The following SSPN variants were observed in gnomAD, a reference collection of about 807,000 sequenced individuals.
SSPN encodes sarcospan.
SSPN carries 15 observed loss-of-function variants against 19.1 expected under a neutral mutation model. The observed-to-expected ratio is 0.78, with a 90% CI of 0.52 to 1.21. SSPN has a LOEUF of 1.21. SSPN is among the 50% of genes most tolerant of loss of function. The pLI, the probability that SSPN is intolerant of heterozygous loss-of-function variation, is 0.00. For missense variants in SSPN, 291 were observed against 314.0 expected, an observed-to-expected ratio of 0.93 and a Z score of 0.55; for synonymous variants, 147 against 140.3, an observed-to-expected ratio of 1.05 and a Z score of -0.34.
chr12:26,128,637 TG>T (rs1038122119), intron 1 of SSPN, among the ~76,000 whole-genome samples: 1 of 152,202 alleles, frequency 6.6e-6, no homozygotes, highest in South Asian at 2.1e-4. Flanking sequence ...TCTTTGGATA[TG>T]TTTTAAAATA....
intron 1 of SSPN, among the ~76,000 whole-genome samples, chr12:26,158,751 GTC>G (rs1423101478): frequency 2.6e-5 from 4 of 152,258 alleles, no homozygotes; most frequent in Non-Finnish European, 5.9e-5. Flanking sequence ...GTGTCTAAGA[GTC>G]TCTGGCTTGC....
At chr12:26,154,196 C>T (rs989862489) in intron 1 of SSPN, among the ~76,000 whole-genome samples, 4 of 152,198 alleles carry the variant, frequency 2.6e-5, no homozygotes, top group African/African-American at 9.7e-5. Context: ...ATTTAGGTCC[C>T]TGATATGTCA....
chr12:26,168,615 T>C (rs559714545), intron 1 of SSPN, among the ~76,000 whole-genome samples: 1 of 152,190 alleles, frequency 6.6e-6, no homozygotes, highest in South Asian at 2.1e-4. Flanking sequence ...AATAGTGGGG[T>C]CAAGAAATAA....
Position 26,232,906 on chromosome 12 carries a change from A to T in SSPN, c.*1830A>T. ...CAACAGAATACCAAGCAGAATGATGAGGACCTGTAAAATACCTTGTGCCCT... is the reference window on the plus strand; with the variant it reads ...CAACAGAATACCAAGCAGAATGATGTGGACCTGTAAAATACCTTGTGCCCT... On this transcript the variant is annotated 3_prime_UTR_variant, in exon 3 of 3. Coordinates refer to ENST00000242729, the MANE Select transcript of SSPN (RefSeq NM_005086.5). 7.0e-6 allele frequency: 1 copy of T among 143,114 alleles called. No individual in the cohort carries two copies. The highest frequency in any genetic ancestry group is 1.5e-5 in the Non-Finnish European group (1 of 67,580). 8.9% of individuals were successfully genotyped at this position (143,114 alleles called of 1,614,324 possible).
intron 1 of SSPN, among the ~76,000 whole-genome samples, chr12:26,209,330 A>G (rs879102055): frequency 6.6e-6 from 1 of 152,140 alleles, no homozygotes; most frequent in Non-Finnish European, 1.5e-5. Context: ...AATGCTTGGG[A>G]AAAATGTGGA....
intron 1 of SSPN, among the ~76,000 whole-genome samples, chr12:26,175,485 G>A (rs2137436354): frequency 1.3e-5 from 2 of 152,240 alleles, no homozygotes; most frequent in Admixed American, 1.3e-4. Context: ...CCAGTCTATA[G>A]ATCACCATTT....
At chr12:26,217,789 T>G (rs1030639194) in intron 1 of SSPN, among the ~76,000 whole-genome samples, 1 of 151,666 alleles carries the variant, frequency 6.6e-6, no homozygotes, top group South Asian at 2.1e-4. Context: ...GCATGAAAGG[T>G]TGTTGAATTT....
intron 1 of SSPN, among the ~76,000 whole-genome samples, chr12:26,220,851 C>T (rs1323571766): frequency 6.6e-6 from 1 of 152,184 alleles, no homozygotes; most frequent in East Asian, 1.9e-4. Flanking sequence ...CCTATGGATT[C>T]AGCTTTTTTA....
At chr12:26,201,477 C>T (rs183901260) in intron 1 of SSPN, among the ~76,000 whole-genome samples, 4 of 151,792 alleles carry the variant, frequency 2.6e-5, no homozygotes, top group Admixed American at 6.6e-5. Flanking sequence ...TGAACAAAAT[C>T]ATTAGATGTT....
In SSPN at chr12:26,231,158, AAG is replaced by A; in HGVS notation, c.*83_*84del. The A allele has an allele frequency of 2.8e-6, 4 of 1,429,478 alleles. No individual in the cohort carries two copies. Among genetic ancestry groups the A allele is most frequent in the Non-Finnish European group, 3.7e-6 (4 of 1,089,776 alleles). 88.5% of individuals were successfully genotyped at this position (1,429,478 alleles called of 1,614,324 possible). A position where few individuals can be genotyped will look rare whatever the true frequency, so the allele number is the denominator to read the frequency against. On this transcript the variant is annotated 3_prime_UTR_variant, in exon 3 of 3. Transcript: ENST00000242729. ...AACAAAAAAAAATTTTAAACAAAGA[AAG>A]GAAAAAAATTGACAATAAAAGTCAC...
chr12:26,223,614 A>C lies in SSPN; in HGVS notation c.280-679A>C, dbSNP rs1027062793. Among the ~76,000 whole-genome samples, 7 of 152,282 alleles carry C rather than the reference A, an allele frequency of 4.6e-5. No homozygotes were observed. The South Asian group carries it at 1.0e-3, about 23-fold the overall frequency. ...TTGCTTATGGTGCTGCTTTATCCCA[A>C]GCTACCTGATTTGAATCCGGGTTCC... On this transcript the variant is annotated intron_variant, in intron 1 of 2. Coordinates refer to ENST00000242729, the MANE Select transcript of SSPN (RefSeq NM_005086.5).
intron 1 of SSPN, among the ~76,000 whole-genome samples, chr12:26,149,634 G>A (rs1017614677): frequency 1.3e-5 from 2 of 152,152 alleles, no homozygotes; most frequent in Non-Finnish European, 2.9e-5. Context: ...TACATGTCTG[G>A]TGCATAATTT....
chr12:26,129,989 C>T (rs1741063006), intron 1 of SSPN, among the ~76,000 whole-genome samples: 1 of 152,120 alleles, frequency 6.6e-6, no homozygotes, highest in African/African-American at 2.4e-5. Flanking sequence ...AGGAGGATTC[C>T]CTGGCCCTTC....
At chr12:26,226,305 G>A (rs1161524098) in intron 2 of SSPN, among the ~76,000 whole-genome samples, 1 of 152,136 alleles carries the variant, frequency 6.6e-6, no homozygotes, top group African/African-American at 2.4e-5. Context: ...TTCATAGGGC[G>A]TTTCTCATCA....
At chr12:26,213,588 T>C (rs115923325) in intron 1 of SSPN, among the ~76,000 whole-genome samples, 68 of 152,234 alleles carry the variant, frequency 4.5e-4, no homozygotes, top group African/African-American at 1.6e-3. Flanking sequence ...ATAGGTTGTC[T>C]ATGAATCCTG....
intron 1 of SSPN, among the ~76,000 whole-genome samples, chr12:26,210,615 A>G (rs1591884186): frequency 6.6e-6 from 1 of 151,964 alleles, no homozygotes; most frequent in Non-Finnish European, 1.5e-5. Flanking sequence ...TTACTTTCTC[A>G]TCTTAATAGG....
Position 26,122,113 on chromosome 12 carries a change from T to C in SSPN, c.-70T>C, listed in dbSNP as rs777045203. Reference sequence around the variant, plus strand: ...TGCGAGGGATCTTCCTGAGCAGAGCTCTCCGGGTTCCCCGGCTCGCGGGGC... The same window carrying C: ...TGCGAGGGATCTTCCTGAGCAGAGCCCTCCGGGTTCCCCGGCTCGCGGGGC... On this transcript the variant is annotated 5_prime_UTR_variant, in exon 1 of 3. Transcript: ENST00000538142. 7 of 1,549,182 alleles carry C rather than the reference T, an allele frequency of 4.5e-6. No homozygotes were observed. In the African/African-American group the frequency reaches 9.6e-5, roughly 21 times the overall value.
Position 26,122,749 on chromosome 12 carries a change from T to C in SSPN, c.-31+597T>C, listed in dbSNP as rs1234312464. On this transcript the variant is annotated intron_variant, in intron 1 of 2. Coordinates refer to the SSPN transcript ENST00000538142. ...GTGACGCGGCTCGCCCCCGCGCCTT[T>C]GCCTTTCTCGCGGTCCGGCCGGGCC... The C allele has an allele frequency of 2.5e-6, 4 of 1,597,410 alleles. No homozygotes were observed. Among genetic ancestry groups the C allele is most frequent in the East Asian group, 2.3e-5 (1 of 43,734 alleles).
intron 2 of SSPN, 112 bp from the exon 3 acceptor site, chr12:26,230,599 C>T: frequency 7.8e-7 from 1 of 1,276,004 alleles, no homozygotes; most frequent in Middle Eastern, 2.8e-4. Flanking sequence ...ACAGCCTTTC[C>T]ATCAGAAAAT....
Sources: gnomAD v4.1 joint callset for allele counts (sites outside exome capture counted in the v4.1 genomes callset) on GRCh38, gnomAD v4.1.1 for gene constraint, MANE v1.5 for transcripts, NCBI Gene and HGNC (gene_info 2026-07-23, HGNC 2026-07-21) for gene names.